Variants in ELP4 observed in about 807,000 individuals in gnomAD.
ELP4 encodes the protein elongator acetyltransferase complex subunit 4, also known as elongator complex protein 4.
ELP4 carries 51 observed loss-of-function variants against 48.9 expected under a neutral mutation model. The observed-to-expected ratio is 1.04, with a 90% CI of 0.83 to 1.32. ELP4 has a LOEUF of 1.32. Ranked by LOEUF, ELP4 falls within the 40% of genes most tolerant of loss-of-function variation. ELP4 has a pLI of 0.00. For missense variants in ELP4, 519 were observed against 514.6 expected (o/e 1.01, Z -0.08); for synonymous variants, 210 against 189.2 (o/e 1.11, Z -0.90).
intron 4 of ELP4, among the ~76,000 whole-genome samples, chr11:31,598,144 T>G (rs1239077133): frequency 6.6e-6 from 1 of 151,576 alleles, no homozygotes; most frequent in African/African-American, 2.4e-5. Flanking sequence ...TTAATAGAGA[T>G]GGGGTTTCAC....
intron 8 of ELP4, chr11:31,648,730 AT>A (rs1387655199): frequency 6.6e-6 from 1 of 151,576 alleles, no homozygotes; most frequent in Non-Finnish European, 1.5e-5. Context: ...TTTGTAAAAT[AT>A]TTTATATTCT....
rs896366706 is a variant in ELP4 at position 31,788,847 on chromosome 11, G to C, written c.*5323G>C. On this transcript the variant is annotated 3_prime_UTR_variant, in exon 10 of 10. Transcript: ENST00000640961. ...TCAGGATGTAAAACAGAGTGTGTGT[G>C]AAAGTAACCATTGGTTTAGAATGTT... The C allele has an allele frequency of 9.3e-5, 19 of 204,034 alleles. No individual in the cohort carries two copies. Among genetic ancestry groups the C allele is most frequent in the Non-Finnish European group, 1.4e-4 (14 of 99,230 alleles). 12.6% of individuals were successfully genotyped at this position (204,034 alleles called of 1,614,324 possible). A position where few individuals can be genotyped will look rare whatever the true frequency, so the allele number is the denominator to read the frequency against.
At chr11:31,767,608 A>G (rs1055095218) in intron 9 of ELP4, 3 of 152,184 alleles carry the variant, frequency 2.0e-5, no homozygotes, top group Admixed American at 2.0e-4. Flanking sequence ...CCCTAAGAGC[A>G]GCGTAGTCAT....
At chr11:31,748,303 G>A (rs1004074884) in intron 9 of ELP4, among the ~76,000 whole-genome samples, 11 of 147,548 alleles carry the variant, frequency 7.5e-5, no homozygotes, top group African/African-American at 2.8e-4. Flanking sequence ...GGAATGCAGT[G>A]GTGCAACCTC....
At chr11:31,538,389 TG>T (rs1956538002) in intron 2 of ELP4, among the ~76,000 whole-genome samples, 1 of 148,216 alleles carries the variant, frequency 6.7e-6, no homozygotes, top group South Asian at 2.1e-4. Flanking sequence ...ATAATTATAT[TG>T]TATTATGTAT....
intron 9 of ELP4, among the ~76,000 whole-genome samples, chr11:31,690,482 G>A (rs1946255156): frequency 1.3e-5 from 2 of 151,940 alleles, no homozygotes; most frequent in African/African-American, 2.4e-5. Context: ...CTACTAAAAT[G>A]TGAGTTTCTT....
chr11:31,701,028 TA>T (rs1490173264), intron 9 of ELP4, among the ~76,000 whole-genome samples: 1 of 152,118 alleles, frequency 6.6e-6, no homozygotes, highest in East Asian at 1.9e-4. Flanking sequence ...TTTCAAGCAG[TA>T]CCTTTTTAAA....
At chr11:31,747,273 G>A (rs1015918513) in intron 9 of ELP4, among the ~76,000 whole-genome samples, 2 of 152,138 alleles carry the variant, frequency 1.3e-5, no homozygotes, top group Non-Finnish European at 2.9e-5. Context: ...TAGAGAGTAT[G>A]AGATCTGGGG....
At chr11:31,553,496 T>C (rs1182997086) in intron 3 of ELP4, among the ~76,000 whole-genome samples, 2 of 152,058 alleles carry the variant, frequency 1.3e-5, no homozygotes, top group Non-Finnish European at 2.9e-5. Flanking sequence ...TTTCCTGCCA[T>C]ATGACTCCTA....
intron 7 of ELP4, among the ~76,000 whole-genome samples, chr11:31,635,813 A>T (rs906764650): frequency 6.6e-6 from 1 of 152,096 alleles, no homozygotes; most frequent in Non-Finnish European, 1.5e-5. Flanking sequence ...GCTACAAAAA[A>T]TAAGATATAA....
chr11:31,736,389 G>T (rs1303704350), intron 9 of ELP4, among the ~76,000 whole-genome samples: 1 of 152,074 alleles, frequency 6.6e-6, no homozygotes, highest in African/African-American at 2.4e-5. Flanking sequence ...AAAAACCTAG[G>T]TAATACCATT....
chr11:31,678,275 C>G (rs898913292), intron 9 of ELP4, among the ~76,000 whole-genome samples: 2 of 151,962 alleles, frequency 1.3e-5, no homozygotes, highest in Non-Finnish European at 2.9e-5. Flanking sequence ...AATGAGACCC[C>G]TGTCTCTGCA....
chr11:31,645,756 C>A (rs1945185213), intron 7 of ELP4: 1 of 151,600 alleles, frequency 6.6e-6, no homozygotes, highest in Admixed American at 6.6e-5. Context: ...TTGAGTTTAT[C>A]CTAAAAATGA....
intron 3 of ELP4, among the ~76,000 whole-genome samples, chr11:31,559,905 T>TA (rs11399608): frequency 0.6 from 78,308 of 131,308 alleles, 24,607 homozygotes; most frequent in African/African-American, 0.83. Flanking sequence ...AAACTCCGTC[T>TA]AAAAAAAAAA....
intron 5 of ELP4, among the ~76,000 whole-genome samples, chr11:31,623,368 T>C (rs1565084137): frequency 9.9e-6 from 1 of 101,334 alleles, no homozygotes; most frequent in Non-Finnish European, 2.0e-5. Context: ...TATATATATA[T>C]ATATATATAT....
chr11:31,544,702 A>G (rs1253110244), intron 3 of ELP4, among the ~76,000 whole-genome samples: 2 of 152,214 alleles, frequency 1.3e-5, no homozygotes, highest in African/African-American at 2.4e-5. Context: ...TGCCTCCTCA[A>G]GTGGGTCTCT....
intron 9 of ELP4, among the ~76,000 whole-genome samples, chr11:31,766,551 C>T (rs1948045448): frequency 6.6e-6 from 1 of 151,746 alleles, no homozygotes; most frequent in African/African-American, 2.4e-5. Context: ...GATTTTACAA[C>T]ATGATCAATG....
intron 1 of ELP4, among the ~76,000 whole-genome samples, chr11:31,516,028 G>A (rs1160540366): frequency 5.9e-5 from 9 of 151,742 alleles, no homozygotes; most frequent in African/African-American, 1.9e-4. Flanking sequence ...GGAGAATGGG[G>A]GGTGAAACCA....
rs371175434 is a variant in ELP4, at chr11:31,659,028, G to A, written c.1143+8807G>A. 1.7e-4 allele frequency among the ~76,000 whole-genome samples: 26 copies of A among 151,990 alleles called. No individual in the cohort carries two copies. The South Asian group carries it at 5.2e-3, about 30-fold the overall frequency. On this transcript the variant is annotated intron_variant, in intron 9 of 9. Coordinates refer to ENST00000640961, the MANE Select transcript of ELP4 (RefSeq NM_019040.5). The stretch of plus-strand genomic sequence containing the variant: ...GATGAATATTATGAAAAAGTTTTCT[G>A]CATTTTAGTAATACGAAGAAATTGT...
Sources: gnomAD v4.1 joint callset for allele counts (sites outside exome capture counted in the v4.1 genomes callset) on GRCh38, gnomAD v4.1.1 for gene constraint, MANE v1.5 for transcripts, NCBI Gene and HGNC (gene_info 2026-07-23, HGNC 2026-07-21) for gene names.